Variants in HRH1 observed in about 807,000 individuals in gnomAD.
The protein encoded by HRH1 is histamine H1 receptor.
HRH1 carries 6 observed loss-of-function variants against 10.3 expected under a neutral mutation model. The observed-to-expected ratio is 0.58, with a 90% CI of 0.32 to 1.15. The LOEUF (loss-of-function observed/expected upper bound fraction) is 1.15, where lower values mean the gene tolerates loss of function less well. Ranked by LOEUF, HRH1 falls within the 50% of genes most tolerant of loss-of-function variation. The pLI is 0.05. For missense variants in HRH1, 514 were observed against 615.3 expected (o/e 0.84, Z 1.74); for synonymous variants, 242 against 236.7 (o/e 1.02, Z -0.21).
At chr3:11,238,758 G>A (rs1016343614) in intron 1 of HRH1, among the ~76,000 whole-genome samples, 4 of 152,118 alleles carry the variant, frequency 2.6e-5, no homozygotes, top group Admixed American at 6.6e-5. Flanking sequence ...AATTCTGGAC[G>A]TTTCATATAA....
chr3:11,166,178 T>G (rs568295978), intron 1 of HRH1, among the ~76,000 whole-genome samples: 1 of 152,208 alleles, frequency 6.6e-6, no homozygotes, highest in South Asian at 2.1e-4. Flanking sequence ...CCCCATTGAG[T>G]TGTAGACTTA....
chr3:11,184,015 G>A (rs1216791757), intron 1 of HRH1, among the ~76,000 whole-genome samples: 1 of 151,934 alleles, frequency 6.6e-6, no homozygotes, highest in Non-Finnish European at 1.5e-5. Flanking sequence ...ACCTCCTAAG[G>A]TCAGGCATTG....
rs560099508 is a variant in HRH1, at chr3:11,139,366, G to A, written c.-36+1967G>A. ...GCAATCTCGGCTCACTGCGACCTCC[G>A]CCTCCCGGGTTCAAGCAATTCTCCT... On this transcript the variant is annotated intron_variant, in intron 1 of 1. Coordinates refer to the HRH1 transcript ENST00000438284. Among the ~76,000 whole-genome samples, 26 of 151,422 alleles carry A rather than the reference G, an allele frequency of 1.7e-4. No individual in the cohort carries two copies. The South Asian group carries it at 3.8e-3, about 22-fold the overall frequency.
intron 1 of HRH1, among the ~76,000 whole-genome samples, chr3:11,201,515 C>T (rs1001064317): frequency 2.0e-5 from 3 of 152,168 alleles, no homozygotes; most frequent in Non-Finnish European, 4.4e-5. Context: ...GAGGAAGTCA[C>T]TGTGTCCTGG....
At chr3:11,224,089 G>C (rs1431374574) in intron 1 of HRH1, among the ~76,000 whole-genome samples, 1 of 152,130 alleles carries the variant, frequency 6.6e-6, no homozygotes, top group Admixed American at 6.5e-5. Context: ...ACACACATTT[G>C]TTCTCTTTAG....
chr3:11,168,980 G>A (rs1423994729), intron 1 of HRH1, among the ~76,000 whole-genome samples: 1 of 151,318 alleles, frequency 6.6e-6, no homozygotes, highest in Non-Finnish European at 1.5e-5. Flanking sequence ...GAGCCTGGGG[G>A]AATGAAGGGA....
upstream of HRH1, among the ~76,000 whole-genome samples, chr3:11,149,504 C>G (rs146994933): frequency 6.6e-6 from 1 of 152,256 alleles, no homozygotes; most frequent in Non-Finnish European, 1.5e-5. Context: ...TTAGAAGGCA[C>G]GAAAGAGCTA....
At chr3:11,197,091 C>T (rs907270458) in intron 1 of HRH1, among the ~76,000 whole-genome samples, 10 of 149,186 alleles carry the variant, frequency 6.7e-5, no homozygotes, top group South Asian at 4.3e-4. Flanking sequence ...CGCCACTGCA[C>T]TCTAGCCTGG....
chr3:11,139,056 C>T (rs563032889), intron 1 of HRH1, among the ~76,000 whole-genome samples: 4 of 150,864 alleles, frequency 2.7e-5, no homozygotes, highest in East Asian at 3.9e-4. Flanking sequence ...GGTGCGATCT[C>T]GGCTCACTGC....
At chr3:11,144,020 G>A (rs1455942475) in intron 1 of HRH1, among the ~76,000 whole-genome samples, 1 of 152,172 alleles carries the variant, frequency 6.6e-6, no homozygotes, top group Non-Finnish European at 1.5e-5. Context: ...ACACCAGTCA[G>A]AACGGCTATT....
chr3:11,229,056 G>A (rs891694204), intron 1 of HRH1, among the ~76,000 whole-genome samples: 5 of 152,116 alleles, frequency 3.3e-5, no homozygotes, highest in African/African-American at 7.2e-5. Flanking sequence ...TAAGATGGAC[G>A]TCGTAGAATA....
intron 1 of HRH1, among the ~76,000 whole-genome samples, chr3:11,206,456 CCTGGA>C (rs1938130351): frequency 6.6e-6 from 1 of 152,240 alleles, no homozygotes; most frequent in Non-Finnish European, 1.5e-5. Context: ...GGCCTGCTGG[CCTGGA>C]CTTCCTCCCA....
intron 1 of HRH1, among the ~76,000 whole-genome samples, chr3:11,235,511 TC>T (rs1939157199): frequency 1.3e-5 from 2 of 151,976 alleles, no homozygotes; most frequent in South Asian, 4.2e-4. Flanking sequence ...GAGCTCCATC[TC>T]CCCACTAGGC....
At chr3:11,172,851 G>A (rs1305690287) in intron 1 of HRH1, among the ~76,000 whole-genome samples, 1 of 151,940 alleles carries the variant, frequency 6.6e-6, no homozygotes, top group African/African-American at 2.4e-5. Context: ...ACAGGTGCCC[G>A]CCTCCACGCC....
rs1021388147 is a variant in HRH1, at chr3:11,260,134, C to T, written c.1097C>T (p.Thr366Ile). 1 of 1,614,078 alleles carries T rather than the reference C, an allele frequency of 6.2e-7. No homozygotes were observed. The highest frequency in any genetic ancestry group is 8.5e-7 in the Non-Finnish European group (1 of 1,180,020). The change falls in exon 2 of 2, where the codon ACC becomes ATC. Residue 366 changes from threonine to isoleucine, a missense_variant. Transcript: ENST00000431010. ...TTCTCTCGAACGGACTCAGATACCA[C>T]CACAGAGACAGCACCAGGCAAAGGC... ...QSFSRTDSDT[T>I]TETAPGKGKL...
chr3:11,206,309 A>T (rs1938124421), intron 1 of HRH1, among the ~76,000 whole-genome samples: 1 of 151,810 alleles, frequency 6.6e-6, no homozygotes, highest in Non-Finnish European at 1.5e-5. Context: ...GTAGAGACAG[A>T]GTTTCGCCAT....
chr3:11,166,523 T>A (rs193272338), intron 1 of HRH1, among the ~76,000 whole-genome samples: 1 of 152,018 alleles, frequency 6.6e-6, no homozygotes, highest in Non-Finnish European at 1.5e-5. Context: ...GCCCGTGACA[T>A]CTGCTGTCTC....
chr3:11,257,307 G>C (rs1293866584), intron 1 of HRH1, among the ~76,000 whole-genome samples: 2 of 149,136 alleles, frequency 1.3e-5, no homozygotes, highest in Non-Finnish European at 3.0e-5. Context: ...TGTAATCCCA[G>C]CACTTTGGGA....
chr3:11,186,582 C>T (rs553145606), intron 1 of HRH1, among the ~76,000 whole-genome samples: 2 of 152,188 alleles, frequency 1.3e-5, no homozygotes, highest in South Asian at 4.1e-4. Flanking sequence ...GAAGAGCTGA[C>T]TTTAATGCCT....
Sources: allele counts gnomAD v4.1 joint callset (sites outside exome capture counted in the v4.1 genomes callset), GRCh38; gene constraint gnomAD v4.1.1; transcripts MANE v1.5; gene names NCBI Gene and HGNC (gene_info 2026-07-23, HGNC 2026-07-21).